The following EP400 variants were observed in gnomAD, a reference collection of about 807,000 sequenced individuals.
EP400 encodes E1A-binding protein p400.
In EP400, 105 loss-of-function variants were observed where a neutral mutation model predicts 354.1. The observed-to-expected ratio is 0.30, with a 90% CI of 0.25 to 0.35. The LOEUF (loss-of-function observed/expected upper bound fraction) is 0.35, where lower values mean the gene tolerates loss of function less well. Among genes scored for constraint, EP400 ranks in the 10% least tolerant of loss-of-function variants. EP400 has a pLI of 1.00. For synonymous variants in EP400, 1,646 were observed against 1,716.9 expected (o/e 0.96, Z 1.02); for missense variants, 3,280 against 4,121.0 (o/e 0.80, Z 5.59).
At chr12:132,076,043 G>GA (rs1028962193) in intron 51 of EP400, 2 of 223,792 alleles carry the variant, frequency 8.9e-6, no homozygotes, top group African/African-American at 4.5e-5. Context: ...GAAGAATGTA[G>GA]AAAAATGATA....
Position 132,062,557 on chromosome 12 carries a change from G to A in EP400, c.8190G>A (p.Gln2730=), listed in dbSNP as rs1002404890. The A allele has an allele frequency of 3.7e-5, 59 of 1,587,372 alleles. No individual in the cohort carries two copies. In the Middle Eastern group the frequency reaches 5.0e-4, roughly 14 times the overall value. Residue 2730 remains glutamine (Q), a synonymous_variant, in exon 47 of 53, where the codon CAG becomes CAA. Coordinates refer to ENST00000389561, the MANE Select transcript of EP400 (RefSeq NM_015409.5). The stretch of plus-strand genomic sequence containing the variant: ...AGCAGCAGCAGCAACAACAGCAGCA[G>A]CAGCAGCAGCAGCAGCAGCAGCAGC... ...QQQQQQQQQQ[Q]QQQQQQQQQQ... is the part of the protein sequence containing the mutation.
intron 1 of EP400, among the ~76,000 whole-genome samples, chr12:131,951,050 C>T (rs1014059197): frequency 6.6e-6 from 1 of 151,496 alleles, no homozygotes; most frequent in Non-Finnish European, 1.5e-5. Context: ...CAGGCGCCTG[C>T]CACCACGCCT....
chr12:131,958,912 G>A (rs181790461), intron 1 of EP400, among the ~76,000 whole-genome samples: 112 of 152,282 alleles, frequency 7.4e-4, no homozygotes, highest in Admixed American at 2.1e-3. Context: ...ATGAACAAGG[G>A]GTCTTGTTTG....
Position 132,044,905 on chromosome 12 carries a change from CCT to C in EP400, c.6737_6738del (p.Pro2246ArgfsTer37), listed in dbSNP as rs765972633. 1 of 1,614,090 alleles carries C rather than the reference CCT, an allele frequency of 6.2e-7. No homozygotes were observed. The highest frequency in any genetic ancestry group is 1.3e-5 in the African/African-American group (1 of 74,936). On this transcript the variant is annotated frameshift_variant, in exon 37 of 53. Coordinates refer to ENST00000389561, the MANE Select transcript of EP400 (RefSeq NM_015409.5). LOFTEE classifies it high-confidence loss of function. ...TCCCATCCCAGAGGCTAAGCTGCCC[CCT>C]GTGTACGTGAGGAAGGAGCGGAAGC... ...ATPIPEAKLPPVYVRKERKRH... is the reference protein window; with the variant it reads ...ATPIPEAKLPXVYVRKERKRH...
intron 2 of EP400, among the ~76,000 whole-genome samples, chr12:131,972,567 T>A (rs895621010): frequency 6.6e-6 from 1 of 152,144 alleles, no homozygotes; most frequent in African/African-American, 2.4e-5. Context: ...AAAAGATTTT[T>A]AGGTGATACT....
intron 51 of EP400, among the ~76,000 whole-genome samples, chr12:132,072,744 G>A (rs1436326561): frequency 6.6e-6 from 1 of 152,212 alleles, no homozygotes; most frequent in Non-Finnish European, 1.5e-5. Flanking sequence ...TTGAGAAGGC[G>A]TGTTTAGATG....
Position 132,027,905 on chromosome 12 carries a change from A to G in EP400, c.5110-112A>G. 8.9e-7 allele frequency: 1 copy of G among 1,117,474 alleles called. No individual in the cohort carries two copies. The highest frequency in any genetic ancestry group is 2.5e-5 in the East Asian group (1 of 40,716). 69.2% of individuals were successfully genotyped at this position (1,117,474 alleles called of 1,614,324 possible). Reference sequence around the variant, plus strand: ...TTTCCTGTAACACAAGACCGGGGATATTGAAGTGGATCTCATATGTGGGAA... The same window carrying G: ...TTTCCTGTAACACAAGACCGGGGATGTTGAAGTGGATCTCATATGTGGGAA... On this transcript the variant is annotated intron_variant, in intron 26 of 52. Transcript: ENST00000389561. This position sits in a 1 kb window ranked among gnomAD's most constrained non-coding sequence, Gnocchi z 4.9.
chr12:132,012,232 A>G (rs1003527498), intron 16 of EP400, among the ~76,000 whole-genome samples: 1 of 152,056 alleles, frequency 6.6e-6, no homozygotes, highest in African/African-American at 2.4e-5. Flanking sequence ...CTTTTTTACT[A>G]TTGTAGTCTG....
chr12:132,004,531 T>C (rs563404226), intron 12 of EP400, among the ~76,000 whole-genome samples: 1 of 152,356 alleles, frequency 6.6e-6, no homozygotes, highest in East Asian at 1.9e-4. Context: ...TCATCAGTTA[T>C]TTCCTATCAA....
rs761857971 is a variant in EP400 at position 132,029,961 on chromosome 12, G to GATGT, written c.5585-28_5585-27insATGT. The GATGT allele has an allele frequency of 6.2e-7, 1 of 1,613,012 alleles. No homozygotes were observed. The highest frequency in any genetic ancestry group is 8.5e-7 in the Non-Finnish European group (1 of 1,179,790). On this transcript the variant is annotated intron_variant, in intron 28 of 52. Coordinates refer to ENST00000389561, the MANE Select transcript of EP400 (RefSeq NM_015409.5). The surrounding 1 kb of genome is among the most constrained non-coding windows in gnomAD (Gnocchi z 4.7). The stretch of plus-strand genomic sequence containing the variant: ...GAGCTGCACCGGCCCTGGATGATGA[G>GATGT]GCGCTCTTGATGTGATTCGTTTCCC...
Position 132,017,597 on chromosome 12 carries a change from A to G in EP400, c.3986A>G (p.Gln1329Arg). ...VNVLSILVRL[Q>R]RICNHPGLVE... ...GTCCTGAGCATCCTTGTGCGGCTGC[A>G]GCGCATCTGCAACCACCCTGGGCTC... is the stretch of plus-strand genomic sequence containing the variant. The change falls in exon 20 of 53, where the codon CAG (glutamine) becomes CGG (arginine). Residue 1329 changes from glutamine to arginine, a missense_variant. Gln to Arg is a conservative substitution (Grantham distance 43). Around this residue, in one of 20 missense-constraint regions of EP400, gnomAD observed 242 missense variants for 357.9 expected, o/e 0.68. Transcript: ENST00000389561. This position sits in a 1 kb window ranked among gnomAD's most constrained non-coding sequence, Gnocchi z 5.0. 2 of 1,613,858 alleles carry G rather than the reference A, an allele frequency of 1.2e-6. No homozygotes were observed. Among genetic ancestry groups the G allele is most frequent in the Non-Finnish European group, 1.7e-6 (2 of 1,179,862 alleles).
chr12:131,955,189 T>C (rs1891654540), intron 1 of EP400, among the ~76,000 whole-genome samples: 2 of 152,250 alleles, frequency 1.3e-5, no homozygotes, highest in Admixed American at 6.5e-5. Context: ...CTTTGCATTA[T>C]AGTTGATTGT....
Position 131,981,585 on chromosome 12 carries a change from C to T in EP400, c.1532C>T (p.Pro511Leu), listed in dbSNP as rs200859619. The part of the protein sequence containing the change: ...DAGVPLQQLM[P>L]TAQGGMPPTP... ...GGCGTTCCTCTCCAGCAACTAATGC[C>T]GACCGCACAAGGTAAGGCCCAGCAG... The change falls in exon 4 of 53, where the codon CCG (proline) becomes CTG (leucine). Residue 511 changes from proline (P) to leucine (L), a missense_variant. Coordinates refer to ENST00000389561, the MANE Select transcript of EP400 (RefSeq NM_015409.5). 7.5e-6 allele frequency: 12 copies of T among 1,596,936 alleles called. No individual in the cohort carries two copies. Among genetic ancestry groups the T allele is most frequent in the Middle Eastern group, 1.7e-4 (1 of 5,964 alleles).
chr12:132,013,910 C>G lies in EP400; in HGVS notation c.3920C>G (p.Pro1307Arg), dbSNP rs1893840685. The change falls in exon 19 of 53, where the codon CCT becomes CGT. Residue 1307 changes from proline (P) to arginine (R), a missense_variant. By Grantham distance (103) the Pro-to-Arg change is moderately radical. Transcript: ENST00000389561. The surrounding 1 kb of genome is among the most constrained non-coding windows in gnomAD (Gnocchi z 4.5). Reference protein sequence around the residue: ...KALYEDVILQPGTQEALKSGH... With the variant: ...KALYEDVILQRGTQEALKSGH... Reference sequence around the variant, plus strand: ...TTATACGAGGACGTTATCCTGCAACCTGGGTGAGTGTGGGCTCTGGGCATG... The same window carrying G: ...TTATACGAGGACGTTATCCTGCAACGTGGGTGAGTGTGGGCTCTGGGCATG... 1 of 1,614,048 alleles carries G rather than the reference C, an allele frequency of 6.2e-7. No homozygotes were observed. The highest frequency in any genetic ancestry group is 1.3e-5 in the African/African-American group (1 of 74,948).
At chr12:132,060,061 G>C (rs1895641704) in intron 45 of EP400, among the ~76,000 whole-genome samples, 2 of 151,988 alleles carry the variant, frequency 1.3e-5, no homozygotes, top group South Asian at 4.1e-4. Context: ...TAAGGAAATA[G>C]AAGATTGAGA....
In EP400 at chr12:131,974,926, G is replaced by T. The variant is rs1022760126; in HGVS notation, c.1336-4768G>T. Among the ~76,000 whole-genome samples, 3 of 143,574 alleles carry T rather than the reference G, an allele frequency of 2.1e-5. No homozygotes were observed. The Admixed American group carries it at 2.2e-4, about 10-fold the overall frequency. 94.2% of individuals were successfully genotyped at this position (143,574 alleles called of 152,430 possible). ...AATTGCTTGAACCCGGGAGGCAGAG[G>T]TTGCATTGAGCAGGGCTTGTGCCAC... is the stretch of plus-strand genomic sequence containing the variant. On this transcript the variant is annotated intron_variant, in intron 2 of 52. Transcript: ENST00000389561.
chr12:131,990,508 C>A lies in EP400; in HGVS notation c.2551-128C>A. On this transcript the variant is annotated intron_variant, in intron 8 of 52. Coordinates refer to ENST00000389561, the MANE Select transcript of EP400 (RefSeq NM_015409.5). This position sits in a 1 kb window ranked among gnomAD's most constrained non-coding sequence, Gnocchi z 4.2. ...AGTTAGTATGAAATAAATGAAAAAGCACCAAACTGACGAGGCTGGAAAACA... is the reference window on the plus strand; with the variant it reads ...AGTTAGTATGAAATAAATGAAAAAGAACCAAACTGACGAGGCTGGAAAACA... 1.4e-6 allele frequency: 1 copy of A among 690,608 alleles called. No individual in the cohort carries two copies. Among genetic ancestry groups the A allele is most frequent in the Non-Finnish European group, 2.4e-6 (1 of 411,204 alleles). 42.8% of individuals were successfully genotyped at this position (690,608 alleles called of 1,614,324 possible).
rs774811742 is a variant in EP400 at position 132,053,395 on chromosome 12, C to T, written c.7526C>T (p.Pro2509Leu). The change falls in exon 43 of 53, where the codon CCG becomes CTG. Residue 2509 changes from proline (P) to leucine (L), a missense_variant. Physicochemically the swap from Pro to Leu is moderately conservative, Grantham distance 98. Around this residue, in one of 20 missense-constraint regions of EP400, gnomAD observed 255 missense variants for 295.9 expected, o/e 0.86. Transcript: ENST00000389561. ...CAGCCGGCCGTGGCCCAGCCACCCC[C>T]GCCCCAGCCGCAGCCCCCACCACCC... is the stretch of plus-strand genomic sequence containing the variant. ...AQQPAVAQPP[P>L]PQPQPPPPPQ... 6.4e-5 allele frequency: 98 copies of T among 1,526,214 alleles called. No homozygotes were observed. Among genetic ancestry groups the T allele is most frequent in the Middle Eastern group, 2.3e-4 (1 of 4,368 alleles). 94.5% of individuals were successfully genotyped at this position (1,526,214 alleles called of 1,614,324 possible).
chr12:131,991,989 A>G (rs1893054063), intron 10 of EP400, among the ~76,000 whole-genome samples, 184 bp from the exon 11 acceptor site: 1 of 152,220 alleles, frequency 6.6e-6, no homozygotes, highest in Non-Finnish European at 1.5e-5. Context: ...ACAGCTGAAC[A>G]CAGTGAGCAT....
Sources: allele counts gnomAD v4.1 joint callset (sites outside exome capture counted in the v4.1 genomes callset), GRCh38; gene constraint gnomAD v4.1.1; regional missense constraint gnomAD v4.1.1; non-coding constraint Gnocchi (gnomAD v3.1); transcripts MANE v1.5; gene names NCBI Gene and HGNC (gene_info 2026-07-23, HGNC 2026-07-21).